Variants in EYS observed in about 807,000 individuals in gnomAD.
EYS encodes EGF-like photoreceptor maintenance factor.
Under a neutral mutation model 282.1 loss-of-function variants are expected in EYS, and 250 were observed. That is an observed-to-expected ratio of 0.89 (90% CI 0.80 to 0.98). The LOEUF (loss-of-function observed/expected upper bound fraction) is 0.98. EYS is among the 50% of genes least tolerant of loss of function. The probability of loss-of-function intolerance (pLI) is 0.00; values close to 1 mark genes in which losing one functional copy is unlikely to be tolerated. For synonymous variants in EYS, 1,355 were observed against 1,282.9 expected (o/e 1.06, Z -1.20); for missense variants, 4,016 against 3,709.0 (o/e 1.08, Z -2.15).
intron 22 of EYS, among the ~76,000 whole-genome samples, chr6:64,773,620 G>A (rs539723368): frequency 1.3e-5 from 2 of 151,734 alleles, no homozygotes; most frequent in South Asian, 4.2e-4. Context: ...AATTTTCTCT[G>A]CAATCTCACC....
At chr6:65,188,687 G>T (rs1211019700) in intron 12 of EYS, among the ~76,000 whole-genome samples, 1 of 147,638 alleles carries the variant, frequency 6.8e-6, no homozygotes, top group African/African-American at 2.5e-5. Context: ...TAATCACACG[G>T]GTCTTTAAAA....
At chr6:65,087,209 A>C (rs1251715023) in intron 12 of EYS, among the ~76,000 whole-genome samples, 1 of 151,978 alleles carries the variant, frequency 6.6e-6, no homozygotes, top group Non-Finnish European at 1.5e-5. Flanking sequence ...ATCCTCTCAC[A>C]CACTAGATCC....
intron 12 of EYS, among the ~76,000 whole-genome samples, chr6:65,270,451 T>A (rs1187275086): frequency 6.6e-6 from 1 of 152,186 alleles, no homozygotes; most frequent in Non-Finnish European, 1.5e-5. Flanking sequence ...AGGCCATTTG[T>A]ACTGTTGAAA....
At chr6:63,990,944 G>A (rs1052893850) in intron 34 of EYS, among the ~76,000 whole-genome samples, 1 of 151,614 alleles carries the variant, frequency 6.6e-6, no homozygotes, top group Non-Finnish European at 1.5e-5. Flanking sequence ...CCAATGTTCT[G>A]GCTTTTCAGA....
chr6:64,439,133 T>TA, intron 27 of EYS, 29 bp downstream of exon 27: 4 of 1,280,606 alleles, frequency 3.1e-6, no homozygotes, highest in South Asian at 1.7e-5. Context: ...TTGTAATTTT[T>TA]AAAAAATTAA....
intron 31 of EYS, among the ~76,000 whole-genome samples, chr6:64,146,787 T>C (rs946433709): frequency 6.6e-6 from 1 of 152,136 alleles, no homozygotes; most frequent in Non-Finnish European, 1.5e-5. Context: ...GAAACATCTT[T>C]GAGGTGGGAC....
intron 11 of EYS, chr6:65,332,006 A>C (rs570774080): frequency 5.7e-6 from 1 of 175,616 alleles, no homozygotes; most frequent in Admixed American, 6.2e-5. Flanking sequence ...CAATTTTTTG[A>C]GTATATACTA....
intron 33 of EYS, among the ~76,000 whole-genome samples, chr6:64,014,786 T>A (rs55820476): frequency 0.013 from 1,947 of 151,824 alleles, 22 homozygotes; most frequent in Middle Eastern, 0.02. Flanking sequence ...TTTATTTTTT[T>A]TTTTTTTGGT....
chr6:64,135,640 A>G (rs1316002613), intron 31 of EYS, among the ~76,000 whole-genome samples: 1 of 152,216 alleles, frequency 6.6e-6, no homozygotes, highest in African/African-American at 2.4e-5. Flanking sequence ...TCAATTCCAG[A>G]CCACTACAAT....
intron 33 of EYS, among the ~76,000 whole-genome samples, chr6:64,000,230 C>T (rs1180914559): frequency 9.1e-6 from 1 of 110,290 alleles, no homozygotes; most frequent in Non-Finnish European, 1.7e-5. Flanking sequence ...CTCGCTCTGT[C>T]GCCCAGGCTG....
intron 5 of EYS, among the ~76,000 whole-genome samples, chr6:65,474,441 CAGCAAA>C (rs1765328611): frequency 1.3e-5 from 2 of 152,190 alleles, no homozygotes; most frequent in Admixed American, 6.5e-5. Flanking sequence ...ATAAAATCCT[CAGCAAA>C]TATAATATAC....
At chr6:65,382,465 G>GTGTGTGTC (rs200831929) in intron 8 of EYS, among the ~76,000 whole-genome samples, 4,677 of 134,922 alleles carry the variant, frequency 0.035, 106 homozygotes, top group South Asian at 0.084. Context: ...CTCTGTGTGT[G>GTGTGTGTC]TGTGTGTGTG....
chr6:63,779,963 G>A (rs1055832300), intron 39 of EYS, among the ~76,000 whole-genome samples: 1 of 152,074 alleles, frequency 6.6e-6, no homozygotes, highest in African/African-American at 2.4e-5. Flanking sequence ...TGTTCTCATT[G>A]TTCAATTCCC....
intron 31 of EYS, among the ~76,000 whole-genome samples, chr6:64,111,977 C>T (rs987238824): frequency 1.3e-5 from 2 of 151,930 alleles, no homozygotes; most frequent in African/African-American, 4.8e-5. Context: ...AGATATTTAT[C>T]CCTATTATAT....
At chr6:64,379,643 A>T (rs903520790) in intron 29 of EYS, 1 of 152,182 alleles carries the variant, frequency 6.6e-6, no homozygotes, top group Non-Finnish European at 1.5e-5. Flanking sequence ...AGCAGAACAG[A>T]AGGAACACCA....
At chr6:64,810,639 T>C (rs1319885569) in intron 22 of EYS, among the ~76,000 whole-genome samples, 1 of 152,080 alleles carries the variant, frequency 6.6e-6, no homozygotes, top group Non-Finnish European at 1.5e-5. Flanking sequence ...AAAATAATTC[T>C]AAAATAATTA....
chr6:64,031,244 C>T (rs192972432), intron 33 of EYS, among the ~76,000 whole-genome samples: 5 of 152,320 alleles, frequency 3.3e-5, no homozygotes, highest in Non-Finnish European at 7.4e-5. Flanking sequence ...GCCAGCTCCG[C>T]ACTCAGAGGG....
At position 65,287,694 on chromosome 6, in the gene EYS, C is replaced by T. The variant is rs1768406974; in HGVS notation, c.2023+8169G>A. 2.0e-5 allele frequency among the ~76,000 whole-genome samples: 3 copies of T among 151,268 alleles called. No individual in the cohort carries two copies. The South Asian group carries it at 6.2e-4, about 31-fold the overall frequency. Reference sequence around the variant, plus strand: ...GCTGCCATCTAATTATAATAACACACACTACTTTCCATGAGTCTGTAATTC... The same window carrying T: ...GCTGCCATCTAATTATAATAACACATACTACTTTCCATGAGTCTGTAATTC... On this transcript the variant is annotated intron_variant, in intron 12 of 42. Transcript: ENST00000503581.
At chr6:65,069,185 A>T (rs190821291) in intron 12 of EYS, among the ~76,000 whole-genome samples, 1 of 151,944 alleles carries the variant, frequency 6.6e-6, no homozygotes, top group African/African-American at 2.4e-5. Flanking sequence ...CATCTCTTGC[A>T]TCTTCAAACT....
Sources: gnomAD v4.1 joint callset for allele counts (sites outside exome capture counted in the v4.1 genomes callset) on GRCh38, gnomAD v4.1.1 for gene constraint, MANE v1.5 for transcripts, NCBI Gene and HGNC (gene_info 2026-07-23, HGNC 2026-07-21) for gene names.